TCF12: variants seen among roughly 807,000 people sequenced by gnomAD.
TCF12 encodes the protein transcription factor 12.
A neutral mutation model predicts 86.0 loss-of-function variants in TCF12; 45 were observed. The ratio of observed to expected loss-of-function variants is 0.52; its 90% CI spans 0.41 to 0.67. TCF12 has a LOEUF of 0.67. Among genes scored for constraint, TCF12 ranks in the 30% least tolerant of loss-of-function variants. The probability of loss-of-function intolerance (pLI) is 0.00; values close to 1 mark genes in which losing one functional copy is unlikely to be tolerated. For synonymous variants in TCF12, 330 were observed against 299.6 expected (o/e 1.10, Z -1.05); for missense variants, 881 against 859.9 (o/e 1.02, Z -0.31).
At chr15:56,941,626 C>T (rs1006924034) in intron 3 of TCF12, among the ~76,000 whole-genome samples, 5 of 151,464 alleles carry the variant, frequency 3.3e-5, no homozygotes, top group Non-Finnish European at 2.9e-5. Flanking sequence ...CCGCCTTCCT[C>T]GGCCTCCCAA....
intron 6 of TCF12, among the ~76,000 whole-genome samples, chr15:57,170,792 ATATATATATATAATT>A (rs1567560204): frequency 1.0e-4 from 3 of 29,996 alleles, no homozygotes; most frequent in Admixed American, 9.2e-4. Context: ...TATATATATA[ATATATATATATAATT>A]TTTTTTTTTT....
At chr15:57,119,844 T>C in intron 5 of TCF12, among the ~76,000 whole-genome samples, 1 of 152,136 alleles carries the variant, frequency 6.6e-6, no homozygotes, top group Non-Finnish European at 1.5e-5. Flanking sequence ...AAAAAATCAG[T>C]TGTTTACATT....
intron 5 of TCF12, among the ~76,000 whole-genome samples, chr15:57,142,806 A>G (rs1489619564): frequency 1.3e-5 from 2 of 152,146 alleles, no homozygotes; most frequent in Non-Finnish European, 2.9e-5. Flanking sequence ...TGCATTGAGA[A>G]CACAGCATCA....
chr15:57,206,963 G>C (rs902114663), intron 8 of TCF12, among the ~76,000 whole-genome samples: 2 of 151,058 alleles, frequency 1.3e-5, no homozygotes, highest in Non-Finnish European at 3.0e-5. Flanking sequence ...AAAAAAAATT[G>C]GTCGTGGTAG....
chr15:57,270,642 GT>G (rs1448732700), intron 18 of TCF12, among the ~76,000 whole-genome samples: 14 of 152,240 alleles, frequency 9.2e-5, no homozygotes, highest in Admixed American at 8.5e-4. Context: ...GAGAAGAGGC[GT>G]TCTGGCTTTT....
intron 4 of TCF12, among the ~76,000 whole-genome samples, chr15:57,074,197 G>A (rs1180094732): frequency 6.6e-6 from 1 of 152,142 alleles, no homozygotes; most frequent in African/African-American, 2.4e-5. Context: ...GGACAAGAGA[G>A]TTAATTCCCG....
intron 3 of TCF12, among the ~76,000 whole-genome samples, chr15:57,047,082 A>G (rs1230948150): frequency 6.6e-6 from 1 of 152,254 alleles, no homozygotes; most frequent in East Asian, 1.9e-4. Context: ...TGGCTAATTC[A>G]GCTAAAGGAC....
At chr15:57,235,600 A>G (rs1179628277) in intron 12 of TCF12, among the ~76,000 whole-genome samples, 3 of 152,198 alleles carry the variant, frequency 2.0e-5, no homozygotes, top group Non-Finnish European at 2.9e-5. Context: ...TGACCTATTT[A>G]GGAAGACAGT....
chr15:57,027,902 C>T (rs1315320407), intron 3 of TCF12, among the ~76,000 whole-genome samples: 3 of 152,168 alleles, frequency 2.0e-5, no homozygotes, highest in Non-Finnish European at 4.4e-5. Flanking sequence ...TCTTCTTCAC[C>T]TTCTGCCATG....
At chr15:57,012,917 A>G (rs1353156368) in intron 3 of TCF12, among the ~76,000 whole-genome samples, 1 of 151,296 alleles carries the variant, frequency 6.6e-6, no homozygotes, top group Non-Finnish European at 1.5e-5. Flanking sequence ...ATTTTTCTTT[A>G]TTTTTCTGTG....
chr15:57,014,141 A>G (rs182296716), intron 3 of TCF12, among the ~76,000 whole-genome samples: 297 of 152,306 alleles, frequency 2.0e-3, no homozygotes, highest in African/African-American at 6.5e-3. Flanking sequence ...CCTTGGGTCT[A>G]TTGATACTAC....
At chr15:56,994,780 G>C (rs2063618854) in intron 3 of TCF12, among the ~76,000 whole-genome samples, 1 of 152,100 alleles carries the variant, frequency 6.6e-6, no homozygotes, top group Admixed American at 6.5e-5. Flanking sequence ...AAGAATATCT[G>C]TTGTCAGCAG....
intron 6 of TCF12, among the ~76,000 whole-genome samples, chr15:57,169,381 G>A (rs1316919136): frequency 6.6e-6 from 1 of 152,136 alleles, no homozygotes; most frequent in African/African-American, 2.4e-5. Context: ...TAGAAGGTCA[G>A]TAAATGTCAG....
chr15:57,237,999 G>A (rs1242891303), intron 12 of TCF12, among the ~76,000 whole-genome samples: 2 of 152,048 alleles, frequency 1.3e-5, no homozygotes, highest in African/African-American at 4.8e-5. Flanking sequence ...AACTTACAGG[G>A]CTATCTGTAA....
chr15:56,992,835 G>T (rs777981461), intron 3 of TCF12, among the ~76,000 whole-genome samples: 2 of 152,118 alleles, frequency 1.3e-5, no homozygotes, highest in Non-Finnish European at 2.9e-5. Context: ...TTAAATTACC[G>T]ATTATCTTTT....
chr15:57,153,763 C>G (rs1478356074), intron 5 of TCF12, among the ~76,000 whole-genome samples: 2 of 152,050 alleles, frequency 1.3e-5, no homozygotes, highest in Non-Finnish European at 2.9e-5. Context: ...CATAGTGGCT[C>G]ATACCTGTAA....
intron 16 of TCF12, among the ~76,000 whole-genome samples, chr15:57,261,414 G>A (rs2060580029): frequency 6.6e-6 from 1 of 151,990 alleles, no homozygotes; most frequent in Admixed American, 6.6e-5. Context: ...TCCTCTTAGG[G>A]TAAAATCATG....
At chr15:57,224,509 T>C (rs2058775053) in intron 8 of TCF12, among the ~76,000 whole-genome samples, 1 of 152,174 alleles carries the variant, frequency 6.6e-6, no homozygotes, top group African/African-American at 2.4e-5. Flanking sequence ...AAGGAATTTT[T>C]CTCACAGTTG....
At chr15:56,981,272 A>G (rs2062876629) in intron 3 of TCF12, among the ~76,000 whole-genome samples, 1 of 152,248 alleles carries the variant, frequency 6.6e-6, no homozygotes, top group South Asian at 2.1e-4. Context: ...GGCGGCTGCC[A>G]AGTCCAAGAT....
Sources: gnomAD v4.1 joint callset for allele counts (sites outside exome capture counted in the v4.1 genomes callset) on GRCh38, gnomAD v4.1.1 for gene constraint, MANE v1.5 for transcripts, NCBI Gene and HGNC (gene_info 2026-07-23, HGNC 2026-07-21) for gene names.